The following FOXO1 variants were observed in gnomAD, a reference collection of about 807,000 sequenced individuals.
FOXO1 encodes forkhead box O1, also known as forkhead box protein O1.
A neutral mutation model predicts 44.1 loss-of-function variants in FOXO1; 6 were observed. The observed-to-expected ratio is 0.14, with a 90% CI of 0.07 to 0.27. The LOEUF (loss-of-function observed/expected upper bound fraction) is 0.27, where lower values mean the gene tolerates loss of function less well. FOXO1 is among the 10% of genes least tolerant of loss of function. FOXO1 has a pLI of 1.00. For missense variants in FOXO1, 737 were observed against 888.8 expected, an observed-to-expected ratio of 0.83 and a Z score of 2.17; for synonymous variants, 380 against 362.7, an observed-to-expected ratio of 1.05 and a Z score of -0.54.
intron 1 of FOXO1, among the ~76,000 whole-genome samples, chr13:40,569,825 G>A (rs1321825839): frequency 1.3e-5 from 2 of 151,926 alleles, no homozygotes; most frequent in Non-Finnish European, 2.9e-5. Flanking sequence ...TGCCCATGCT[G>A]GTCTCCAACT....
intron 1 of FOXO1, among the ~76,000 whole-genome samples, chr13:40,584,162 A>G (rs1280934871): frequency 6.6e-6 from 1 of 152,060 alleles, no homozygotes; most frequent in Non-Finnish European, 1.5e-5. Flanking sequence ...TGGGTATTAG[A>G]ATTTTTTTTA....
At position 40,634,197 on chromosome 13, in the gene FOXO1, A is replaced by G. The variant is rs571777450; in HGVS notation, c.630+31386T>C. Reference sequence around the variant, plus strand: ...AAAGAAGTTTCCCTTTGCTAATAAAACTGCCCACGACAAATTCCCTTTAGT... The same window carrying G: ...AAAGAAGTTTCCCTTTGCTAATAAAGCTGCCCACGACAAATTCCCTTTAGT... On this transcript the variant is annotated intron_variant, in intron 1 of 2. Coordinates refer to ENST00000379561, the MANE Select transcript of FOXO1 (RefSeq NM_002015.4). Among the ~76,000 whole-genome samples, 9 of 152,300 alleles carry G rather than the reference A, an allele frequency of 5.9e-5. No individual in the cohort carries two copies. In the South Asian group the frequency reaches 1.4e-3, roughly 25 times the overall value.
At chr13:40,661,110 G>A (rs577597630) in intron 1 of FOXO1, among the ~76,000 whole-genome samples, 83 of 152,100 alleles carry the variant, frequency 5.5e-4, no homozygotes, top group Non-Finnish European at 1.0e-3. Context: ...TTCCAATTTG[G>A]CATCTATTTT....
intron 1 of FOXO1, among the ~76,000 whole-genome samples, chr13:40,578,786 AACAAC>A (rs909103329): frequency 2.0e-5 from 3 of 152,232 alleles, no homozygotes; most frequent in African/African-American, 7.2e-5. Context: ...GAGTACACAA[AACAAC>A]ACAAAACAAA....
chr13:40,623,410 C>G (rs952593753), intron 1 of FOXO1, among the ~76,000 whole-genome samples: 1 of 151,990 alleles, frequency 6.6e-6, no homozygotes, highest in African/African-American at 2.4e-5. Flanking sequence ...GGTAAACTTG[C>G]CAACAACAAG....
At chr13:40,628,445 T>C (rs1442476166) in intron 1 of FOXO1, among the ~76,000 whole-genome samples, 2 of 151,848 alleles carry the variant, frequency 1.3e-5, no homozygotes, top group Non-Finnish European at 2.9e-5. Flanking sequence ...GGACAAACCT[T>C]GTCACTGTAC....
chr13:40,632,436 G>A (rs369423341), intron 1 of FOXO1, among the ~76,000 whole-genome samples: 6 of 152,090 alleles, frequency 3.9e-5, no homozygotes, highest in South Asian at 2.1e-4. Context: ...CCCGGAGTTC[G>A]AGACCAGCCT....
intron 1 of FOXO1, among the ~76,000 whole-genome samples, chr13:40,585,343 G>GCACACA (rs1555248752): frequency 0.1 from 15,239 of 147,000 alleles, 1,435 homozygotes; most frequent in African/African-American, 0.25. Flanking sequence ...CTGCGCGCGC[G>GCACACA]CACACACACA....
At position 40,621,482 on chromosome 13, in the gene FOXO1, G is replaced by A. The variant is rs183367300; in HGVS notation, c.630+44101C>T. 1.1e-3 allele frequency: 201 copies of A among 184,140 alleles called. 2 individuals are homozygous for A. The highest frequency in any genetic ancestry group is 6.9e-4 in the Non-Finnish European group (62 of 89,610). 11.4% of individuals were successfully genotyped at this position (184,140 alleles called of 1,614,324 possible). ...TATATATAGTTTGAACTATTTTTGC[G>A]TGCTTTTTAAAACTTGTTATAAAGA... On this transcript the variant is annotated intron_variant, in intron 1 of 2. Transcript: ENST00000379561.
At position 40,559,559 on chromosome 13, in the gene FOXO1, A is replaced by G. The variant is rs541544048; in HGVS notation, c.1932T>C (p.Ser644=). The change falls in exon 2 of 3, where the codon AGT becomes AGC. Residue 644 remains serine, a synonymous_variant. Transcript: ENST00000379561. ...NVLPNQSFPH[S]VKTTTHSWVS... is the part of the protein sequence containing the mutation. Reference sequence around the variant, plus strand: ...CCCAGCTATGTGTCGTTGTCTTGACACTGTGTGGGAAGCTTTGGTTGGGCA... The same window carrying G: ...CCCAGCTATGTGTCGTTGTCTTGACGCTGTGTGGGAAGCTTTGGTTGGGCA... 53 of 1,610,814 alleles carry G rather than the reference A, an allele frequency of 3.3e-5. 1 individual carries two copies. In the South Asian group the frequency reaches 5.5e-4, roughly 17 times the overall value.
intron 1 of FOXO1, among the ~76,000 whole-genome samples, chr13:40,664,761 G>T (rs900554274): frequency 1.4e-4 from 21 of 152,034 alleles, no homozygotes; most frequent in African/African-American, 4.8e-4. Flanking sequence ...GCCCCGACGC[G>T]CTGGCCCTTT....
intron 1 of FOXO1, among the ~76,000 whole-genome samples, chr13:40,599,813 G>C (rs551857960): frequency 2.0e-5 from 3 of 152,294 alleles, no homozygotes; most frequent in Non-Finnish European, 4.4e-5. Context: ...AAAGGATTTA[G>C]ATTTTATCCT....
intron 1 of FOXO1, among the ~76,000 whole-genome samples, chr13:40,561,348 T>C (rs1593378226): frequency 6.2e-5 from 2 of 32,164 alleles, no homozygotes; most frequent in African/African-American, 1.1e-4. Flanking sequence ...TGAGACTCGA[T>C]CTCAAAAAAA....
chr13:40,561,699 T>C (rs184657770), intron 1 of FOXO1, among the ~76,000 whole-genome samples: 1 of 152,074 alleles, frequency 6.6e-6, no homozygotes, highest in African/African-American at 2.4e-5. Context: ...CCAGGCATGG[T>C]GGTTCACACC....
chr13:40,649,793 T>C (rs1196519010), intron 1 of FOXO1, among the ~76,000 whole-genome samples: 1 of 152,208 alleles, frequency 6.6e-6, no homozygotes, highest in Admixed American at 6.5e-5. Context: ...ATGAGCTCCA[T>C]CTGTACTGAT....
At chr13:40,565,344 C>T (rs1324346897) in intron 1 of FOXO1, among the ~76,000 whole-genome samples, 1 of 152,126 alleles carries the variant, frequency 6.6e-6, no homozygotes, top group Non-Finnish European at 1.5e-5. Flanking sequence ...TAGGATGACA[C>T]AACCCATAGA....
chr13:40,638,593 G>T (rs1321087764), intron 1 of FOXO1, among the ~76,000 whole-genome samples: 1 of 152,104 alleles, frequency 6.6e-6, no homozygotes, highest in Admixed American at 6.6e-5. Context: ...GTTAAGGGGG[G>T]AATCAAAGGA....
chr13:40,613,253 A>G (rs1481257084), intron 1 of FOXO1, among the ~76,000 whole-genome samples: 5 of 152,170 alleles, frequency 3.3e-5, no homozygotes, highest in East Asian at 1.9e-4. Flanking sequence ...AAGAACAGCT[A>G]TAAGTAAAAG....
intron 1 of FOXO1, among the ~76,000 whole-genome samples, chr13:40,592,677 A>AT (rs1875427333): frequency 6.6e-6 from 1 of 152,238 alleles, no homozygotes; most frequent in Non-Finnish European, 1.5e-5. Context: ...TGCAATACTT[A>AT]GCACAGTCAG....
Sources: allele counts gnomAD v4.1 joint callset (sites outside exome capture counted in the v4.1 genomes callset), GRCh38; gene constraint gnomAD v4.1.1; transcripts MANE v1.5; gene names NCBI Gene and HGNC (gene_info 2026-07-23, HGNC 2026-07-21).